Variants in ABLIM2 observed in about 807,000 individuals in gnomAD.
The protein encoded by ABLIM2 is actin binding LIM protein family member 2.
A neutral mutation model predicts 97.7 loss-of-function variants in ABLIM2; 53 were observed. That is an observed-to-expected ratio of 0.54 (90% CI 0.44 to 0.68). The LOEUF (loss-of-function observed/expected upper bound fraction) is 0.68, where lower values mean the gene tolerates loss of function less well. Ranked by LOEUF, ABLIM2 falls within the 30% of genes least tolerant of loss-of-function variation. The pLI is 0.00. For missense variants in ABLIM2, 835 were observed against 867.2 expected, an observed-to-expected ratio of 0.96 and a Z score of 0.47; for synonymous variants, 361 against 345.8, an observed-to-expected ratio of 1.04 and a Z score of -0.49.
intron 6 of ABLIM2, among the ~76,000 whole-genome samples, chr4:8,076,223 G>A (rs73796841): frequency 1.6e-4 from 25 of 152,226 alleles, no homozygotes; most frequent in Non-Finnish European, 8.8e-5. Context: ...TGCTGGATGC[G>A]GGTTTGAAAG....
At chr4:8,037,383 C>T (rs925927269) in intron 9 of ABLIM2, among the ~76,000 whole-genome samples, 1 of 151,762 alleles carries the variant, frequency 6.6e-6, no homozygotes, top group Admixed American at 6.6e-5. Context: ...CACACATGTG[C>T]ATGTATACCT....
chr4:8,037,140 A>G (rs931401312), intron 9 of ABLIM2, among the ~76,000 whole-genome samples: 8 of 152,076 alleles, frequency 5.3e-5, no homozygotes, highest in Admixed American at 2.0e-4. Flanking sequence ...ATATTATTTT[A>G]TTTGTATTAT....
rs79536189 is a variant in ABLIM2 at position 8,127,277 on chromosome 4, C to T, written c.11-20640G>A. Among the ~76,000 whole-genome samples the T allele has an allele frequency of 6.6e-6, 1 of 152,208 alleles. No homozygotes were observed. The highest frequency in any genetic ancestry group is 1.5e-5 in the Non-Finnish European group (1 of 68,036). ...GGTTGGATCAGACTCTTCCCGTCCC[C>T]AGCCTTAGCTGACCTGTACAATGGG... On this transcript the variant is annotated intron_variant, in intron 1 of 20. Transcript: ENST00000447017. This position sits in a 1 kb window ranked among gnomAD's most constrained non-coding sequence, Gnocchi z 7.3.
intron 16 of ABLIM2, among the ~76,000 whole-genome samples, chr4:7,993,245 T>C (rs1750409739): frequency 6.6e-6 from 1 of 152,184 alleles, no homozygotes; most frequent in Non-Finnish European, 1.5e-5. Flanking sequence ...GCCCCTCACT[T>C]TACAGACAGG....
intron 2 of ABLIM2, among the ~76,000 whole-genome samples, chr4:8,102,063 G>A (rs987467868): frequency 6.6e-6 from 1 of 152,180 alleles, no homozygotes; most frequent in African/African-American, 2.4e-5. Context: ...AGAGATCCAT[G>A]GAAACCTACA....
intron 7 of ABLIM2, among the ~76,000 whole-genome samples, chr4:8,056,913 C>A (rs1196902687): frequency 2.9e-5 from 3 of 102,734 alleles, no homozygotes; most frequent in Non-Finnish European, 5.2e-5. Flanking sequence ...CCCTGGGCGA[C>A]AGAGCGAAAC....
At chr4:8,014,989 C>T (rs530912197) in intron 14 of ABLIM2, among the ~76,000 whole-genome samples, 289 of 151,360 alleles carry the variant, frequency 1.9e-3, no homozygotes, top group Middle Eastern at 3.4e-3. Context: ...GGCACTAACT[C>T]GGCTCACTGC....
intron 1 of ABLIM2, among the ~76,000 whole-genome samples, chr4:8,111,350 G>C (rs1188841591): frequency 1.3e-5 from 2 of 152,248 alleles, no homozygotes; most frequent in Non-Finnish European, 2.9e-5. Flanking sequence ...ACGGAGCACA[G>C]GGCGTTTTTA....
intron 16 of ABLIM2, among the ~76,000 whole-genome samples, chr4:7,993,543 G>T (rs1208320134): frequency 6.6e-6 from 1 of 152,168 alleles, no homozygotes; most frequent in Non-Finnish European, 1.5e-5. Flanking sequence ...CAGCTGTGGT[G>T]GTGCACGCCT....
rs200302277 is a variant in ABLIM2 at position 8,061,076 on chromosome 4, G to C, written c.676-22C>G. 593 of 1,564,904 alleles carry C rather than the reference G, an allele frequency of 3.8e-4. No homozygotes were observed. The highest frequency in any genetic ancestry group is 4.7e-4 in the Non-Finnish European group (537 of 1,153,942). ...CGGCCTGTAAGAAAAGCACAAAGCA[G>C]AATGTTTCTACTAAAGCCAGAAAGG... On this transcript the variant is annotated intron_variant, in intron 6 of 20. Coordinates refer to ENST00000447017, the MANE Select transcript of ABLIM2 (RefSeq NM_001130083.2). This position sits in a 1 kb window ranked among gnomAD's most constrained non-coding sequence, Gnocchi z 4.5.
In ABLIM2 at chr4:7,999,782, T is replaced by C. The variant is rs1264891246; in HGVS notation, c.1619-6855A>G. On this transcript the variant is annotated intron_variant, in intron 16 of 20. Transcript: ENST00000447017. This position sits in a 1 kb window ranked among gnomAD's most constrained non-coding sequence, Gnocchi z 4.4. Reference sequence around the variant, plus strand: ...AGGCACCAGAGGCCTACCCACTCCATGCCCAGGCTCAGCCAAACCAGGCTC... The same window carrying C: ...AGGCACCAGAGGCCTACCCACTCCACGCCCAGGCTCAGCCAAACCAGGCTC... 6.6e-6 allele frequency among the ~76,000 whole-genome samples: 1 copy of C among 152,140 alleles called. No homozygotes were observed. The highest frequency in any genetic ancestry group is 1.5e-5 in the Non-Finnish European group (1 of 68,008).
In ABLIM2 at chr4:8,095,260, T is replaced by A. The variant is rs893791653; in HGVS notation, c.338+1839A>T. On this transcript the variant is annotated intron_variant, in intron 3 of 20. Coordinates refer to ENST00000447017, the MANE Select transcript of ABLIM2 (RefSeq NM_001130083.2). This position sits in a 1 kb window ranked among gnomAD's most constrained non-coding sequence, Gnocchi z 4.7. ...CTGGGACTACAGGCATGCACCACCATGCCAGACTAATTTTTAAATTTTTTG... is the reference window on the plus strand; with the variant it reads ...CTGGGACTACAGGCATGCACCACCAAGCCAGACTAATTTTTAAATTTTTTG... Among the ~76,000 whole-genome samples the A allele has an allele frequency of 6.6e-6, 1 of 152,010 alleles. No homozygotes were observed. Among genetic ancestry groups the A allele is most frequent in the Non-Finnish European group, 1.5e-5 (1 of 68,020 alleles).
At position 7,981,269 on chromosome 4, in the gene ABLIM2, T is replaced by C. The variant is rs572924502; in HGVS notation, c.1824+1995A>G. Among the ~76,000 whole-genome samples, 67 of 152,230 alleles carry C rather than the reference T, an allele frequency of 4.4e-4. 1 individual carries two copies. The South Asian group carries it at 0.013, about 30-fold the overall frequency. ...AAACAACCCCTTGTCTTAACCCAGA[T>C]GCTCCTTTCTATTGATTACAGGTCT... On this transcript the variant is annotated intron_variant, in intron 20 of 20. Coordinates refer to ENST00000447017, the MANE Select transcript of ABLIM2 (RefSeq NM_001130083.2).
At chr4:8,086,735 TG>T (rs1823941777) in intron 4 of ABLIM2, among the ~76,000 whole-genome samples, 1 of 152,164 alleles carries the variant, frequency 6.6e-6, no homozygotes, top group African/African-American at 2.4e-5. Context: ...ATAGAGCTTT[TG>T]ATTACTATCT....
In ABLIM2 at chr4:8,075,865, A is replaced by G. The variant is rs984635664; in HGVS notation, c.675+1763T>C. Among the ~76,000 whole-genome samples the G allele has an allele frequency of 6.6e-6, 1 of 152,262 alleles. No homozygotes were observed. Among genetic ancestry groups the G allele is most frequent in the Non-Finnish European group, 1.5e-5 (1 of 68,046 alleles). The stretch of plus-strand genomic sequence containing the variant: ...ATAGGAAATATGAGTTGGGAAACAC[A>G]GGGATGTTTGGGATACAACATGGCA... On this transcript the variant is annotated intron_variant, in intron 6 of 20. Transcript: ENST00000447017. This position sits in a 1 kb window ranked among gnomAD's most constrained non-coding sequence, Gnocchi z 4.4.
Position 7,983,337 on chromosome 4 carries a change from GGATA to G in ABLIM2, c.1747_1750del (p.Tyr583ArgfsTer13), listed in dbSNP as rs1264543950. On this transcript the variant is annotated frameshift_variant, in exon 20 of 21. Transcript: ENST00000447017. LOFTEE classifies it high-confidence loss of function. ...GTTTGTGACGATGAGGGAGTCATAC[GGATA>G]GATCTGTTGGGGGAGGAAACCACAG... is the stretch of plus-strand genomic sequence containing the variant. The G allele has an allele frequency of 6.8e-6, 11 of 1,611,842 alleles. No individual in the cohort carries two copies. Among genetic ancestry groups the G allele is most frequent in the Non-Finnish European group, 9.3e-6 (11 of 1,179,252 alleles).
rs1207524439 is a variant in ABLIM2, at chr4:8,069,160, T to C, written c.676-8106A>G. On this transcript the variant is annotated intron_variant, in intron 6 of 20. Coordinates refer to ENST00000447017, the MANE Select transcript of ABLIM2 (RefSeq NM_001130083.2). The surrounding 1 kb of genome is among the most constrained non-coding windows in gnomAD (Gnocchi z 4.2). The stretch of plus-strand genomic sequence containing the variant: ...TCTCTACCCAGCTCCCGTTAAGGCG[T>C]GAGCCTCAGGAGCGCTTGGCCCAGC... Among the ~76,000 whole-genome samples the C allele has an allele frequency of 6.6e-6, 1 of 152,248 alleles. No homozygotes were observed. Among genetic ancestry groups the C allele is most frequent in the African/African-American group, 2.4e-5 (1 of 41,462 alleles).
At chr4:8,034,031 T>C (rs909707598) in intron 10 of ABLIM2, among the ~76,000 whole-genome samples, 2 of 152,154 alleles carry the variant, frequency 1.3e-5, no homozygotes, top group Non-Finnish European at 2.9e-5. Flanking sequence ...GCCAGTCCTC[T>C]AGGCTTGAAT....
At chr4:8,139,971 A>T (rs1428714098) in intron 1 of ABLIM2, among the ~76,000 whole-genome samples, 1 of 152,106 alleles carries the variant, frequency 6.6e-6, no homozygotes, top group Non-Finnish European at 1.5e-5. Flanking sequence ...ATAGAACTGG[A>T]AGCCATTATC....
Sources: allele counts gnomAD v4.1 joint callset (sites outside exome capture counted in the v4.1 genomes callset), GRCh38; gene constraint gnomAD v4.1.1; non-coding constraint Gnocchi (gnomAD v3.1); transcripts MANE v1.5; gene names NCBI Gene and HGNC (gene_info 2026-07-23, HGNC 2026-07-21).